Variants in SYNJ2 observed in about 807,000 individuals in gnomAD.
SYNJ2 encodes polyphosphatidylinositol phosphatase SYNJ2.
In SYNJ2, 116 loss-of-function variants were observed where a neutral mutation model predicts 141.3. That is an observed-to-expected ratio of 0.82 (90% CI 0.71 to 0.96). SYNJ2 has a LOEUF of 0.96. SYNJ2 is among the 40% of genes least tolerant of loss of function. The probability of loss-of-function intolerance (pLI) is 0.00; values close to 1 mark genes in which losing one functional copy is unlikely to be tolerated. For synonymous variants in SYNJ2, 745 were observed against 777.7 expected (o/e 0.96, Z 0.70); for missense variants, 1,873 against 1,934.8 (o/e 0.97, Z 0.60).
Position 157,982,153 on chromosome 6 carries a change from A to G in SYNJ2, c.127+65A>G. The G allele has an allele frequency of 7.9e-7, 1 of 1,270,208 alleles. No individual in the cohort carries two copies. Among genetic ancestry groups the G allele is most frequent in the Admixed American group, 4.2e-5 (1 of 23,642 alleles). The allele number at this position is 1,270,208 out of a possible 1,614,324, so 78.7% of individuals were successfully genotyped here. A position where few individuals can be genotyped will look rare whatever the true frequency, so the allele number is the denominator to read the frequency against. ...GCGCCCGCATTCGCCCAGCCTCGGG[A>G]AGACGGGTACCCCCCCTTCCCGAGG... On this transcript the variant is annotated intron_variant, in intron 1 of 26. Transcript: ENST00000355585. The surrounding 1 kb of genome is among the most constrained non-coding windows in gnomAD (Gnocchi z 4.0).
At chr6:158,089,748 C>G in intron 24 of SYNJ2, 91 bp from the exon 25 acceptor site, 1 of 841,362 alleles carries the variant, frequency 1.2e-6, no homozygotes, top group Non-Finnish European at 2.0e-6. Flanking sequence ...TCTGGTGGAG[C>G]CCTGCACAGA....
intron 5 of SYNJ2, among the ~76,000 whole-genome samples, chr6:158,045,769 C>A (rs1780206091): frequency 6.6e-6 from 1 of 152,122 alleles, no homozygotes; most frequent in Non-Finnish European, 1.5e-5. Context: ...CTTACCTTGA[C>A]CTTCGTGCTG....
At chr6:158,086,065 ATTG>A (rs1293728593) in intron 22 of SYNJ2, among the ~76,000 whole-genome samples, 44 of 152,256 alleles carry the variant, frequency 2.9e-4, no homozygotes, top group African/African-American at 1.1e-3. Context: ...CCTGGTGGGC[ATTG>A]AGAGGGTCTT....
intron 6 of SYNJ2, among the ~76,000 whole-genome samples, chr6:158,055,841 T>G (rs997190472): frequency 6.6e-6 from 1 of 152,196 alleles, no homozygotes; most frequent in African/African-American, 2.4e-5. Flanking sequence ...GTGTGTGACA[T>G]GTAATGCGCT....
intron 1 of SYNJ2, among the ~76,000 whole-genome samples, chr6:158,008,859 A>G (rs1778163402): frequency 6.6e-6 from 1 of 152,116 alleles, no homozygotes; most frequent in African/African-American, 2.4e-5. Context: ...AGCAGCCAGG[A>G]TGATCCCCAG....
intron 1 of SYNJ2, among the ~76,000 whole-genome samples, chr6:157,984,856 G>A (rs1199348842): frequency 6.6e-6 from 1 of 152,210 alleles, no homozygotes; most frequent in Non-Finnish European, 1.5e-5. Flanking sequence ...CTCTTCAGCT[G>A]TGGTTTTCCT....
Position 158,027,373 on chromosome 6 carries a change from C to G in SYNJ2, c.215-1383C>G, listed in dbSNP as rs971174358. On this transcript the variant is annotated intron_variant, in intron 2 of 26. Transcript: ENST00000355585. This position sits in a 1 kb window ranked among gnomAD's most constrained non-coding sequence, Gnocchi z 4.6. ...TAGAGCCCTGCCAGACCCCAAAGGCCGGTTTCTACCCGATGATCTCTTGGG... is the reference window on the plus strand; with the variant it reads ...TAGAGCCCTGCCAGACCCCAAAGGCGGGTTTCTACCCGATGATCTCTTGGG... 3.9e-6 allele frequency: 1 copy of G among 259,480 alleles called. No homozygotes were observed. 16.1% of individuals were successfully genotyped at this position (259,480 alleles called of 1,614,324 possible). A position where few individuals can be genotyped will look rare whatever the true frequency, so the allele number is the denominator to read the frequency against.
intron 15 of SYNJ2, among the ~76,000 whole-genome samples, 155 bp from the exon 16 acceptor site, chr6:158,074,425 A>G (rs1440379414): frequency 6.6e-6 from 1 of 152,210 alleles, no homozygotes; most frequent in Admixed American, 6.5e-5. Flanking sequence ...TTATGGGATG[A>G]GTGAAAAACA....
chr6:158,096,512 C>T lies in SYNJ2; in HGVS notation c.*148C>T. 1 of 893,632 alleles carries T rather than the reference C, an allele frequency of 1.1e-6. No individual in the cohort carries two copies. Among genetic ancestry groups the T allele is most frequent in the Non-Finnish European group, 1.6e-6 (1 of 617,934 alleles). The allele number at this position is 893,632 out of a possible 1,614,324, so 55.4% of individuals were successfully genotyped here. A position where few individuals can be genotyped will look rare whatever the true frequency, so the allele number is the denominator to read the frequency against. ...CTCGTGTAGTTTACAAAAATCGTGT[C>T]TCTTATTCAGTAAGATGGTTACTCA... is the stretch of plus-strand genomic sequence containing the variant. On this transcript the variant is annotated 3_prime_UTR_variant, in exon 27 of 27. Transcript: ENST00000355585.
chr6:158,059,284 C>G lies in SYNJ2; in HGVS notation c.885C>G (p.Tyr295Ter). Residue 295 changes from tyrosine (Y) to a stop codon, truncating the protein, a stop_gained, in exon 7 of 27, where the codon TAC becomes TAG. Coordinates refer to ENST00000355585, the MANE Select transcript of SYNJ2 (RefSeq NM_003898.4). LOFTEE classifies it high-confidence loss of function. ...ACATGGTGCTTCTGAAGGAGCAGTA[C>G]GGGCAGCAGGTGGTCGTGAACCTTC... ...DRHMVLLKEQ[Y>*]GQQVVVNLLG... 3.9e-6 allele frequency: 6 copies of G among 1,550,266 alleles called. No homozygotes were observed. Among genetic ancestry groups the G allele is most frequent in the Non-Finnish European group, 4.4e-6 (5 of 1,146,744 alleles).
At chr6:157,990,557 G>T (rs774257262) in intron 1 of SYNJ2, among the ~76,000 whole-genome samples, 1 of 152,206 alleles carries the variant, frequency 6.6e-6, no homozygotes, top group Non-Finnish European at 1.5e-5. Context: ...TGGCTCTGGC[G>T]TTGGTGTGGG....
intron 1 of SYNJ2, among the ~76,000 whole-genome samples, chr6:158,012,558 G>A (rs966061749): frequency 6.6e-5 from 10 of 152,364 alleles, no homozygotes; most frequent in Admixed American, 2.0e-4. Flanking sequence ...AGCCTTCGGA[G>A]CAGATGCAGA....
chr6:157,999,069 G>A (rs1331732680), intron 1 of SYNJ2, among the ~76,000 whole-genome samples: 1 of 152,226 alleles, frequency 6.6e-6, no homozygotes, highest in East Asian at 1.9e-4. Flanking sequence ...GATGATCATA[G>A]CATATAAAAG....
chr6:158,074,120 G>A (rs1042204690), intron 15 of SYNJ2, among the ~76,000 whole-genome samples: 4 of 152,076 alleles, frequency 2.6e-5, no homozygotes, highest in Non-Finnish European at 5.9e-5. Flanking sequence ...AGGAGCTAGA[G>A]AGAGATGGAG....
At chr6:158,089,805 C>CTGAT (rs745621046) in intron 24 of SYNJ2, 34 bp from the exon 25 acceptor site, 2 of 1,554,982 alleles carry the variant, frequency 1.3e-6, no homozygotes, top group Non-Finnish European at 1.8e-6. Flanking sequence ...CCTGCCTCTG[C>CTGAT]TGATACTCTG....
At chr6:158,010,956 G>A (rs755769223) in intron 1 of SYNJ2, among the ~76,000 whole-genome samples, 15 of 150,244 alleles carry the variant, frequency 1.0e-4, no homozygotes, top group Non-Finnish European at 2.1e-4. Context: ...TGGGACGACA[G>A]GACATGTGGG....
Position 158,005,116 on chromosome 6 carries a change from C to T in SYNJ2, c.128-12088C>T, listed in dbSNP as rs563648478. Among the ~76,000 whole-genome samples the T allele has an allele frequency of 1.5e-4, 22 of 148,032 alleles. No homozygotes were observed. In the South Asian group the frequency reaches 1.7e-3, roughly 11 times the overall value. On this transcript the variant is annotated intron_variant, in intron 1 of 26. Coordinates refer to ENST00000355585, the MANE Select transcript of SYNJ2 (RefSeq NM_003898.4). ...TTTTTTTGAGACAGTCTTGCTCTGT[C>T]GCCCAGGCTGGAGTGCAGTGGCGCG...
In SYNJ2 at chr6:157,982,057, G is replaced by T; in HGVS notation, c.96G>T (p.Leu32=). ...AGGCGCGCGGCCGCGACGACTGCCT[G>T]CTGTTCGAGGCCGGCACGGTGGCCA... The part of the protein sequence containing the change: ...LLEARGRDDC[L]LFEAGTVATL... The change falls in exon 1 of 27, where the codon CTG becomes CTT. Residue 32 remains leucine, a synonymous_variant. Transcript: ENST00000355585. This position sits in a 1 kb window ranked among gnomAD's most constrained non-coding sequence, Gnocchi z 4.0. 1 of 1,337,254 alleles carries T rather than the reference G, an allele frequency of 7.5e-7. No homozygotes were observed. 82.8% of individuals were successfully genotyped at this position (1,337,254 alleles called of 1,614,324 possible).
chr6:158,094,394 CAAAAAAAAAA>C (rs532980446), intron 26 of SYNJ2, among the ~76,000 whole-genome samples: 1 of 72,950 alleles, frequency 1.4e-5, no homozygotes, highest in Non-Finnish European at 2.5e-5. Context: ...TACGGCTGGG[CAAAAAAAAAA>C]AAAAAAAAAA....
Sources: gnomAD v4.1 joint callset for allele counts (sites outside exome capture counted in the v4.1 genomes callset) on GRCh38, gnomAD v4.1.1 for gene constraint, Gnocchi (gnomAD v3.1) non-coding constraint, MANE v1.5 for transcripts, NCBI Gene and HGNC (gene_info 2026-07-23, HGNC 2026-07-21) for gene names.